FHIT: variants seen among roughly 807,000 people sequenced by gnomAD.
FHIT encodes fragile histidine triad diadenosine triphosphatase.
FHIT carries 19 observed loss-of-function variants against 17.9 expected under a neutral mutation model. The ratio of observed to expected loss-of-function variants is 1.06; its 90% CI spans 0.74 to 1.56. The LOEUF (loss-of-function observed/expected upper bound fraction) is 1.56. FHIT is among the 40% of genes most tolerant of loss of function. The pLI is 0.00. For missense variants in FHIT, 248 were observed against 189.2 expected (o/e 1.31, Z -1.82); for synonymous variants, 81 against 69.7 (o/e 1.16, Z -0.81).
chr3:60,396,986 C>G (rs1239479297), intron 5 of FHIT, among the ~76,000 whole-genome samples: 4 of 152,120 alleles, frequency 2.6e-5, no homozygotes, highest in African/African-American at 9.7e-5. Flanking sequence ...ACTGTTACTT[C>G]TTTGCTTTTC....
chr3:61,070,167 T>G (rs905720692), intron 2 of FHIT, among the ~76,000 whole-genome samples: 56 of 152,284 alleles, frequency 3.7e-4, no homozygotes, highest in African/African-American at 1.3e-3. Flanking sequence ...GTGCTGAGAT[T>G]ACAGGCATGA....
intron 8 of FHIT, among the ~76,000 whole-genome samples, chr3:59,861,948 G>A (rs887359411): frequency 9.2e-5 from 14 of 151,982 alleles, no homozygotes; most frequent in Non-Finnish European, 1.5e-5. Flanking sequence ...ATTATGTGAT[G>A]TAATTGGTAC....
chr3:60,326,419 G>A (rs938923158), intron 5 of FHIT, among the ~76,000 whole-genome samples: 2 of 151,990 alleles, frequency 1.3e-5, no homozygotes, highest in African/African-American at 4.8e-5. Flanking sequence ...TCACAATAGG[G>A]TTCACATTCC....
intron 3 of FHIT, among the ~76,000 whole-genome samples, chr3:60,843,876 C>T (rs1553745728): frequency 6.6e-6 from 1 of 152,128 alleles, no homozygotes; most frequent in East Asian, 1.9e-4. Context: ...ATGATTGCTG[C>T]ATATTTCTAA....
At chr3:60,762,721 G>A (rs1375043729) in intron 4 of FHIT, among the ~76,000 whole-genome samples, 1 of 152,188 alleles carries the variant, frequency 6.6e-6, no homozygotes, top group Non-Finnish European at 1.5e-5. Context: ...GAGTAAAACA[G>A]ATTACCCTCC....
chr3:60,039,836 C>T (rs916395490), intron 5 of FHIT, among the ~76,000 whole-genome samples: 8 of 152,160 alleles, frequency 5.3e-5, no homozygotes, highest in Admixed American at 5.2e-4. Context: ...GCCATCTTAA[C>T]TTTGGCAAAG....
intron 7 of FHIT, among the ~76,000 whole-genome samples, chr3:59,970,082 A>G (rs924936409): frequency 2.0e-5 from 3 of 151,942 alleles, no homozygotes; most frequent in Admixed American, 1.3e-4. Flanking sequence ...TTTCCATTTA[A>G]CCATAGTTCC....
intron 3 of FHIT, among the ~76,000 whole-genome samples, chr3:60,898,884 C>A (rs1336024132): frequency 6.6e-6 from 1 of 152,196 alleles, no homozygotes; most frequent in African/African-American, 2.4e-5. Context: ...CTCATCAGGG[C>A]TGTACCAATT....
At chr3:60,026,303 G>A (rs2630158) in intron 5 of FHIT, among the ~76,000 whole-genome samples, 1 of 136,704 alleles carries the variant, frequency 7.3e-6, no homozygotes, top group Non-Finnish European at 1.5e-5. Context: ...AAAGCTGAAC[G>A]AATGGTTGGT....
intron 4 of FHIT, among the ~76,000 whole-genome samples, chr3:60,611,148 A>C (rs1223741432): frequency 6.6e-6 from 1 of 152,154 alleles, no homozygotes; most frequent in Non-Finnish European, 1.5e-5. Context: ...CATCCTGCTG[A>C]GATTCATTTA....
chr3:61,090,968 A>T (rs1288978182), intron 2 of FHIT, among the ~76,000 whole-genome samples: 1 of 152,146 alleles, frequency 6.6e-6, no homozygotes, highest in Non-Finnish European at 1.5e-5. Context: ...CCTGCTGGAA[A>T]CACTTTTCTT....
chr3:60,674,862 C>A (rs144912213), intron 4 of FHIT, among the ~76,000 whole-genome samples: 4 of 152,292 alleles, frequency 2.6e-5, no homozygotes, highest in African/African-American at 9.6e-5. Context: ...AGACAATGAC[C>A]TGCAAAGAAA....
intron 5 of FHIT, among the ~76,000 whole-genome samples, chr3:60,116,494 C>A (rs4679634): frequency 2.0e-5 from 3 of 152,154 alleles, no homozygotes; most frequent in South Asian, 2.1e-4. Flanking sequence ...CTTTTCTCAC[C>A]TCCTTGAGAT....
chr3:60,837,521 A>C (rs181171869), intron 3 of FHIT, among the ~76,000 whole-genome samples: 2 of 152,276 alleles, frequency 1.3e-5, no homozygotes, highest in East Asian at 3.9e-4. Context: ...CATAGACAGA[A>C]TATAGTTGGG....
At chr3:60,908,017 C>G (rs1020963406) in intron 3 of FHIT, among the ~76,000 whole-genome samples, 7 of 152,200 alleles carry the variant, frequency 4.6e-5, no homozygotes, top group Non-Finnish European at 7.4e-5. Context: ...ATCCACAATA[C>G]TACTCTGCCC....
intron 8 of FHIT, among the ~76,000 whole-genome samples, chr3:59,914,052 CAT>C (rs1310635989): frequency 6.6e-6 from 1 of 152,122 alleles, no homozygotes; most frequent in Non-Finnish European, 1.5e-5. Context: ...ATGCATGATA[CAT>C]ATGTTATTAA....
At chr3:60,623,012 G>A (rs1441822399) in intron 4 of FHIT, among the ~76,000 whole-genome samples, 1 of 152,180 alleles carries the variant, frequency 6.6e-6, no homozygotes, top group Non-Finnish European at 1.5e-5. Flanking sequence ...TGCAGTGGGT[G>A]CAAACATAAT....
intron 5 of FHIT, among the ~76,000 whole-genome samples, chr3:60,292,932 T>C (rs368047354): frequency 2.9e-4 from 44 of 152,312 alleles, no homozygotes; most frequent in African/African-American, 1.0e-3. Flanking sequence ...TATACATGTA[T>C]AAGCATGCCT....
intron 5 of FHIT, among the ~76,000 whole-genome samples, chr3:60,147,896 C>T (rs1435089811): frequency 1.3e-5 from 2 of 152,138 alleles, no homozygotes; most frequent in African/African-American, 2.4e-5. Context: ...TCAAGTGCTT[C>T]GCCAGGCCAC....
Sources: allele counts gnomAD v4.1 joint callset (sites outside exome capture counted in the v4.1 genomes callset), GRCh38; gene constraint gnomAD v4.1.1; transcripts MANE v1.5; gene names NCBI Gene and HGNC (gene_info 2026-07-23, HGNC 2026-07-21).